The following FHIT variants were observed in gnomAD, a reference collection of about 807,000 sequenced individuals.
FHIT encodes fragile histidine triad diadenosine triphosphatase, also known as bis(5'-adenosyl)-triphosphatase.
Under a neutral mutation model 17.9 loss-of-function variants are expected in FHIT, and 19 were observed. The observed-to-expected ratio is 1.06, with a 90% CI of 0.74 to 1.56. The LOEUF (loss-of-function observed/expected upper bound fraction) is 1.56, where lower values mean the gene tolerates loss of function less well. Among genes scored for constraint, FHIT ranks in the 40% most tolerant of loss-of-function variants. The pLI, the probability that FHIT is intolerant of heterozygous loss-of-function variation, is 0.00. For synonymous variants in FHIT, 81 were observed against 69.7 expected, an observed-to-expected ratio of 1.16 and a Z score of -0.81; for missense variants, 248 against 189.2, an observed-to-expected ratio of 1.31 and a Z score of -1.82.
intron 2 of FHIT, among the ~76,000 whole-genome samples, chr3:61,093,375 G>A (rs2035543875): frequency 6.6e-6 from 1 of 152,164 alleles, no homozygotes. Flanking sequence ...TCAAAACCTG[G>A]AGGGTAGAGG....
At chr3:59,912,653 C>T (rs536974288) in intron 8 of FHIT, among the ~76,000 whole-genome samples, 3 of 152,174 alleles carry the variant, frequency 2.0e-5, no homozygotes, top group African/African-American at 7.2e-5. Context: ...CTTTCAATAA[C>T]TCTGAAGAGC....
chr3:60,474,519 G>T (rs766036974), intron 5 of FHIT, among the ~76,000 whole-genome samples: 6 of 151,992 alleles, frequency 3.9e-5, no homozygotes, highest in Admixed American at 6.6e-5. Flanking sequence ...TGCAGTTTTT[G>T]AATTTATTAA....
At chr3:60,141,931 C>T (rs1195295036) in intron 5 of FHIT, among the ~76,000 whole-genome samples, 5 of 152,136 alleles carry the variant, frequency 3.3e-5, no homozygotes, top group African/African-American at 7.2e-5. Flanking sequence ...GTGATTGGAA[C>T]GCCAAGTGTC....
intron 5 of FHIT, among the ~76,000 whole-genome samples, chr3:60,139,572 C>T (rs1168970750): frequency 6.6e-6 from 1 of 152,124 alleles, no homozygotes; most frequent in East Asian, 1.9e-4. Flanking sequence ...ACTCATTGAT[C>T]ACACAGAATT....
intron 5 of FHIT, among the ~76,000 whole-genome samples, chr3:60,156,104 A>T (rs1700677108): frequency 6.6e-6 from 1 of 152,212 alleles, no homozygotes; most frequent in African/African-American, 2.4e-5. Context: ...CTGTAATCCC[A>T]GCACTTTGGG....
At chr3:60,501,622 G>A (rs932293081) in intron 5 of FHIT, among the ~76,000 whole-genome samples, 3 of 152,174 alleles carry the variant, frequency 2.0e-5, no homozygotes, top group African/African-American at 4.8e-5. Context: ...AGAATCCTTA[G>A]AGTGAGAAAT....
intron 4 of FHIT, among the ~76,000 whole-genome samples, chr3:60,777,532 T>C (rs1261963756): frequency 6.6e-6 from 1 of 152,182 alleles, no homozygotes; most frequent in Non-Finnish European, 1.5e-5. Context: ...GGTTATAAAA[T>C]GCTTCTTATC....
chr3:59,775,266 T>C (rs1702253892), intron 8 of FHIT, among the ~76,000 whole-genome samples: 1 of 152,098 alleles, frequency 6.6e-6, no homozygotes, highest in Non-Finnish European at 1.5e-5. Flanking sequence ...TCCTACCAGG[T>C]TCAAACCACT....
At chr3:60,545,380 T>C (rs1021907262) in intron 4 of FHIT, among the ~76,000 whole-genome samples, 1 of 152,198 alleles carries the variant, frequency 6.6e-6, no homozygotes, top group African/African-American at 2.4e-5. Flanking sequence ...TTTCCTCTGA[T>C]TTGTTTTCCT....
rs75151497 is a variant in FHIT, at chr3:60,321,125, A to G, written c.103+215735T>C. ...GACTCCCCAACTCTAAGCAACAGTT[A>G]TAATAATATTTACTACGTGCTTCCC... On this transcript the variant is annotated intron_variant, in intron 5 of 9. Coordinates refer to ENST00000492590, the MANE Select transcript of FHIT (RefSeq NM_002012.4). 8.3e-3 allele frequency among the ~76,000 whole-genome samples: 1,266 copies of G among 152,304 alleles called. 20 individuals are homozygous for G. Among genetic ancestry groups the G allele is most frequent in the African/African-American group, 0.029 (1,205 of 41,574 alleles).
At chr3:60,363,434 A>C (rs1043453718) in intron 5 of FHIT, among the ~76,000 whole-genome samples, 1 of 152,212 alleles carries the variant, frequency 6.6e-6, no homozygotes, top group Non-Finnish European at 1.5e-5. Flanking sequence ...TATTGAGCAC[A>C]TAACTAAGCA....
intron 5 of FHIT, among the ~76,000 whole-genome samples, chr3:60,286,272 T>C (rs1392403618): frequency 2.6e-5 from 4 of 152,224 alleles, no homozygotes; most frequent in Admixed American, 2.6e-4. Flanking sequence ...TGACTATTTT[T>C]CTATTGTATC....
intron 4 of FHIT, among the ~76,000 whole-genome samples, chr3:60,580,051 C>T (rs1490388849): frequency 6.6e-6 from 1 of 152,116 alleles, no homozygotes; most frequent in Admixed American, 6.6e-5. Flanking sequence ...TTCATGTCTG[C>T]ACATCTCTCA....
rs147199430 is a variant in FHIT at position 60,953,724 on chromosome 3, CA to C, written c.-111+88322del. On this transcript the variant is annotated intron_variant, in intron 3 of 9. Transcript: ENST00000492590. ...CTGGTGTGACCACTCCTCATCAGAT[CA>C]AAATATAAATTACAAACCAAACTTA... 4.9e-3 allele frequency among the ~76,000 whole-genome samples: 743 copies of C among 152,210 alleles called. 4 individuals are homozygous for C. Among genetic ancestry groups the C allele is most frequent in the Non-Finnish European group, 6.8e-3 (464 of 68,018 alleles).
intron 5 of FHIT, among the ~76,000 whole-genome samples, chr3:60,293,790 C>A (rs1708089633): frequency 6.6e-6 from 1 of 152,124 alleles, no homozygotes; most frequent in Admixed American, 6.6e-5. Flanking sequence ...ACAAAATGTA[C>A]TTAAAAGTTT....
intron 8 of FHIT, among the ~76,000 whole-genome samples, chr3:59,826,045 G>A (rs566653014): frequency 2.0e-5 from 3 of 152,106 alleles, no homozygotes; most frequent in Non-Finnish European, 2.9e-5. Flanking sequence ...CTGCAAACAC[G>A]ACTTCTTTAA....
At chr3:61,055,039 C>T (rs1356006463) in intron 2 of FHIT, among the ~76,000 whole-genome samples, 1 of 152,136 alleles carries the variant, frequency 6.6e-6, no homozygotes, top group Non-Finnish European at 1.5e-5. Flanking sequence ...ATTTGCATAC[C>T]TCTGCATTCC....
At chr3:61,201,466 C>T (rs1042127026) in intron 1 of FHIT, among the ~76,000 whole-genome samples, 2 of 152,050 alleles carry the variant, frequency 1.3e-5, no homozygotes, top group Non-Finnish European at 2.9e-5. Flanking sequence ...TCATTTTTGG[C>T]TAGGTCCTAA....
At chr3:59,764,218 G>C (rs1336193454) in intron 8 of FHIT, among the ~76,000 whole-genome samples, 4 of 152,186 alleles carry the variant, frequency 2.6e-5, no homozygotes, top group African/African-American at 9.7e-5. Context: ...GACTACCATG[G>C]AGCAGCAAGG....
Sources: gnomAD v4.1 joint callset for allele counts (sites outside exome capture counted in the v4.1 genomes callset) on GRCh38, gnomAD v4.1.1 for gene constraint, MANE v1.5 for transcripts, NCBI Gene and HGNC (gene_info 2026-07-23, HGNC 2026-07-21) for gene names.